Variants in WDR7 observed in about 807,000 individuals in gnomAD.
WDR7 encodes the protein WD repeat domain 7.
In WDR7, 46 loss-of-function variants were observed where a neutral mutation model predicts 169.4. That is an observed-to-expected ratio of 0.27 (90% CI 0.21 to 0.35). The LOEUF (loss-of-function observed/expected upper bound fraction) is 0.35, where lower values mean the gene tolerates loss of function less well. WDR7 is among the 10% of genes least tolerant of loss of function. WDR7 has a pLI of 1.00. For missense variants in WDR7, 1,534 were observed against 1,859.3 expected (o/e 0.83, Z 3.22); for synonymous variants, 612 against 666.8 (o/e 0.92, Z 1.27).
At chr18:56,954,061 T>G (rs1380116392) in intron 25 of WDR7, among the ~76,000 whole-genome samples, 1 of 152,194 alleles carries the variant, frequency 6.6e-6, no homozygotes, top group African/African-American at 2.4e-5. Flanking sequence ...ATTAAAGACA[T>G]TAGTAGTGGC....
chr18:56,877,647 G>T (rs1029261998), intron 20 of WDR7, among the ~76,000 whole-genome samples: 12 of 152,024 alleles, frequency 7.9e-5, no homozygotes, highest in Non-Finnish European at 1.6e-4. Context: ...TTTATCTGTT[G>T]GTGTTATCTA....
At chr18:56,822,711 C>T (rs1391380997) in intron 20 of WDR7, among the ~76,000 whole-genome samples, 1 of 151,980 alleles carries the variant, frequency 6.6e-6, no homozygotes, top group Non-Finnish European at 1.5e-5. Context: ...TTATCACTAC[C>T]CTTGCTTTTG....
At chr18:56,760,832 A>G (rs549763084) in intron 16 of WDR7, among the ~76,000 whole-genome samples, 3 of 152,214 alleles carry the variant, frequency 2.0e-5, no homozygotes, top group Non-Finnish European at 4.4e-5. Flanking sequence ...ATATGGAGCA[A>G]TGAGAACTCT....
rs536143033 is a variant in WDR7, at chr18:56,770,713, C to G, written c.2849-6069C>G. Among the ~76,000 whole-genome samples, 8 of 152,256 alleles carry G rather than the reference C, an allele frequency of 5.3e-5. 1 individual carries two copies. The highest frequency in any genetic ancestry group is 1.0e-4 in the Non-Finnish European group (7 of 68,014). ...CTAATTCATTCTGCTCTGGTAAGTCCTTACCTTTCTGCTGCCTGCACCTTT... is the reference window on the plus strand; with the variant it reads ...CTAATTCATTCTGCTCTGGTAAGTCGTTACCTTTCTGCTGCCTGCACCTTT... On this transcript the variant is annotated intron_variant, in intron 16 of 27. Transcript: ENST00000254442.
chr18:56,965,314 A>G (rs1254263946), intron 26 of WDR7, among the ~76,000 whole-genome samples: 1 of 152,180 alleles, frequency 6.6e-6, no homozygotes, highest in Non-Finnish European at 1.5e-5. Flanking sequence ...CAGTGGGATC[A>G]GAGAACCCAT....
chr18:56,910,779 T>C (rs1253439249), intron 21 of WDR7, among the ~76,000 whole-genome samples: 2 of 152,202 alleles, frequency 1.3e-5, no homozygotes, highest in Non-Finnish European at 2.9e-5. Context: ...GTGATTTCAG[T>C]TTCTATAGCT....
At chr18:56,754,914 T>C (rs2144931005) in intron 14 of WDR7, among the ~76,000 whole-genome samples, 1 of 152,314 alleles carries the variant, frequency 6.6e-6, no homozygotes, top group South Asian at 2.1e-4. Flanking sequence ...ACAGCTGCAG[T>C]GTATGAGTTT....
intron 20 of WDR7, among the ~76,000 whole-genome samples, chr18:56,855,091 C>T (rs1027074851): frequency 6.6e-5 from 10 of 152,112 alleles, no homozygotes; most frequent in South Asian, 2.1e-4. Flanking sequence ...TTCTATCCAA[C>T]GCTTGACATT....
intron 13 of WDR7, 64 bp from the exon 14 acceptor site, chr18:56,731,318 CT>C: frequency 6.6e-7 from 1 of 1,515,338 alleles, no homozygotes; most frequent in Non-Finnish European, 8.9e-7. Context: ...ACCATTTTTT[CT>C]TTACTTAAAC....
intron 20 of WDR7, among the ~76,000 whole-genome samples, chr18:56,840,706 C>A (rs187602066): frequency 6.6e-6 from 1 of 151,704 alleles, no homozygotes; most frequent in African/African-American, 2.4e-5. Context: ...GTAGTCCCAG[C>A]TACTCTGGAG....
chr18:56,791,693 A>G (rs2044487414), intron 19 of WDR7, among the ~76,000 whole-genome samples: 1 of 152,206 alleles, frequency 6.6e-6, no homozygotes, highest in African/African-American at 2.4e-5. Context: ...AAGTAACCAC[A>G]TAGTCTCAGA....
At chr18:56,875,474 A>G (rs1051590536) in intron 20 of WDR7, among the ~76,000 whole-genome samples, 1 of 152,180 alleles carries the variant, frequency 6.6e-6, no homozygotes, top group African/African-American at 2.4e-5. Context: ...CCCATCTTGC[A>G]TACCTTCCCA....
intron 22 of WDR7, among the ~76,000 whole-genome samples, chr18:56,926,377 G>A (rs2046808899): frequency 6.6e-6 from 1 of 152,148 alleles, no homozygotes. Context: ...CACATTTTTC[G>A]ATTGTCTGAA....
chr18:56,783,172 AAC>A (rs1454774056), intron 19 of WDR7, among the ~76,000 whole-genome samples: 36 of 151,684 alleles, frequency 2.4e-4, no homozygotes, highest in Admixed American at 3.9e-4. Context: ...TAAAAAAAAA[AAC>A]AAGGCATCTA....
At chr18:56,954,661 A>G (rs972245255) in intron 25 of WDR7, among the ~76,000 whole-genome samples, 6 of 152,130 alleles carry the variant, frequency 3.9e-5, no homozygotes, top group Admixed American at 6.6e-5. Context: ...CTGTTTTTCT[A>G]TGATAAATCA....
intron 21 of WDR7, among the ~76,000 whole-genome samples, chr18:56,890,181 A>C (rs1296024679): frequency 6.6e-6 from 1 of 152,182 alleles, no homozygotes; most frequent in East Asian, 1.9e-4. Flanking sequence ...ATAGTTACAG[A>C]TTAGTTCAGC....
intron 21 of WDR7, among the ~76,000 whole-genome samples, chr18:56,893,539 T>C (rs933447799): frequency 2.0e-5 from 3 of 152,072 alleles, no homozygotes; most frequent in Admixed American, 6.6e-5. Context: ...CTTTGTTGAA[T>C]GGTAGGGAGT....
At chr18:56,854,353 A>G (rs1221190860) in intron 20 of WDR7, among the ~76,000 whole-genome samples, 1 of 152,242 alleles carries the variant, frequency 6.6e-6, no homozygotes, top group African/African-American at 2.4e-5. Flanking sequence ...CTTCTGGTTT[A>G]TCATAAAGGA....
intron 13 of WDR7, among the ~76,000 whole-genome samples, chr18:56,726,002 C>G (rs1252907279): frequency 2.0e-5 from 3 of 152,088 alleles, no homozygotes; most frequent in Non-Finnish European, 4.4e-5. Flanking sequence ...CTGTTCTGTT[C>G]CATTGTTCTG....
Sources: allele counts gnomAD v4.1 joint callset (sites outside exome capture counted in the v4.1 genomes callset), GRCh38; gene constraint gnomAD v4.1.1; transcripts MANE v1.5; gene names NCBI Gene and HGNC (gene_info 2026-07-23, HGNC 2026-07-21).